GNG7: variants seen among roughly 807,000 people sequenced by gnomAD.
GNG7 encodes the protein guanine nucleotide-binding protein G(I)/G(S)/G(O) subunit gamma-7.
Under a neutral mutation model 4.0 loss-of-function variants are expected in GNG7, and 1 was observed. The ratio of observed to expected loss-of-function variants is 0.25; its 90% confidence interval spans 0.09 to 1.18. GNG7 has a LOEUF of 1.18. Among genes scored for constraint, GNG7 ranks in the 50% most tolerant of loss-of-function variants. The probability of loss-of-function intolerance (pLI) is 0.50; values close to 1 mark genes in which losing one functional copy is unlikely to be tolerated. For synonymous variants in GNG7, 34 were observed against 36.9 expected, an observed-to-expected ratio of 0.92 and a Z score of 0.29; for missense variants, 86 against 91.9, an observed-to-expected ratio of 0.94 and a Z score of 0.26.
intron 2 of GNG7, among the ~76,000 whole-genome samples, chr19:2,594,201 T>C (rs1040978327): frequency 6.6e-6 from 1 of 151,916 alleles, no homozygotes; most frequent in African/African-American, 2.4e-5. Flanking sequence ...AGAAACCCCA[T>C]CTCTACTAAA....
intron 3 of GNG7, among the ~76,000 whole-genome samples, chr19:2,528,025 T>G (rs1004584399): frequency 1.3e-5 from 2 of 152,042 alleles, no homozygotes; most frequent in Admixed American, 1.3e-4. Context: ...CCCAGAACTT[T>G]GGGAGGTTGA....
intron 2 of GNG7, among the ~76,000 whole-genome samples, chr19:2,638,349 G>A (rs546584255): frequency 3.4e-5 from 5 of 145,614 alleles, no homozygotes; most frequent in African/African-American, 1.3e-4. Context: ...GTGACAGAGC[G>A]AGACTCTGTC....
At chr19:2,622,629 G>A (rs982393766) in intron 2 of GNG7, among the ~76,000 whole-genome samples, 1 of 144,674 alleles carries the variant, frequency 6.9e-6, no homozygotes, top group Non-Finnish European at 1.5e-5. Context: ...GAGCAACGCG[G>A]CAGAGAGGGG....
At chr19:2,636,768 G>A (rs1982318796) in intron 2 of GNG7, among the ~76,000 whole-genome samples, 1 of 152,094 alleles carries the variant, frequency 6.6e-6, no homozygotes, top group South Asian at 2.1e-4. Flanking sequence ...TGTCAGTGTT[G>A]AACCAGGAAG....
intron 3 of GNG7, among the ~76,000 whole-genome samples, chr19:2,550,059 G>A (rs1205752505): frequency 6.6e-6 from 1 of 152,244 alleles, no homozygotes; most frequent in Non-Finnish European, 1.5e-5. Context: ...AGTGGAAAAG[G>A]GAAATGTGGC....
chr19:2,554,559 A>ATATATTTTTT (rs1196558078), intron 3 of GNG7, among the ~76,000 whole-genome samples: 1 of 130,116 alleles, frequency 7.7e-6, no homozygotes, highest in African/African-American at 2.8e-5. Flanking sequence ...ATATATATAT[A>ATATATTTTTT]TTTTTTTTTT....
intron 2 of GNG7, among the ~76,000 whole-genome samples, chr19:2,568,648 AATACACAT>A (rs1392819962): frequency 1.3e-4 from 16 of 122,664 alleles, no homozygotes; most frequent in African/African-American, 3.2e-4. Context: ...CATATACACA[AATACACAT>A]ATACACATAC....
chr19:2,700,827 T>C (rs1369391225), intron 1 of GNG7: 1 of 152,044 alleles, frequency 6.6e-6, no homozygotes, highest in Non-Finnish European at 1.5e-5. Context: ...CGACACTCCA[T>C]CAAGGCAAGA....
At chr19:2,545,649 T>TA (rs34706450) in intron 3 of GNG7, among the ~76,000 whole-genome samples, 7,306 of 90,454 alleles carry the variant, frequency 0.081, 338 homozygotes, top group South Asian at 0.13. Context: ...GAAACTGTCT[T>TA]AAAAAAAAAA....
At chr19:2,527,222 T>A (rs923226464) in intron 3 of GNG7, among the ~76,000 whole-genome samples, 2 of 152,178 alleles carry the variant, frequency 1.3e-5, no homozygotes, top group African/African-American at 4.8e-5. Context: ...ACGCACCCTC[T>A]CCCGGTCCCC....
chr19:2,555,492 G>A (rs1256056929), intron 2 of GNG7, among the ~76,000 whole-genome samples: 1 of 152,172 alleles, frequency 6.6e-6, no homozygotes, highest in East Asian at 1.9e-4. Context: ...CACAGTCAAA[G>A]TCCAGTCCAT....
chr19:2,681,787 TGTTTTG>T (rs1159973500), intron 1 of GNG7, among the ~76,000 whole-genome samples: 8 of 152,142 alleles, frequency 5.3e-5, no homozygotes, highest in Admixed American at 5.2e-4. Flanking sequence ...GATTGTTTGT[TGTTTTG>T]GTTTTTTTAA....
chr19:2,659,610 A>AAAAAAG lies in GNG7; in HGVS notation c.-134-13331_-134-13330insCTTTTT, dbSNP rs5826778. 6.6e-5 allele frequency among the ~76,000 whole-genome samples: 8 copies of AAAAAAG among 121,466 alleles called. 1 individual carries two copies. Among genetic ancestry groups the AAAAAAG allele is most frequent in the African/African-American group, 2.6e-4 (8 of 30,594 alleles). 79.7% of individuals were successfully genotyped at this position (121,466 alleles called of 152,430 possible). A position where few individuals can be genotyped will look rare whatever the true frequency, so the allele number is the denominator to read the frequency against. ...TCCATCTTAAAAAAAAAAAAAAAAA[A>AAAAAAG]AGAGAGGAGGGGAGGGAAAGAGGGA... On this transcript the variant is annotated intron_variant, in intron 1 of 4. Coordinates refer to ENST00000382159, the MANE Select transcript of GNG7 (RefSeq NM_052847.3).
chr19:2,550,899 C>T (rs369411035), intron 3 of GNG7, among the ~76,000 whole-genome samples: 17 of 152,276 alleles, frequency 1.1e-4, no homozygotes, highest in Non-Finnish European at 2.2e-4. Flanking sequence ...ATCAGGGAGG[C>T]GTCAGTGGTG....
intron 1 of GNG7, among the ~76,000 whole-genome samples, chr19:2,648,641 G>A (rs944976124): frequency 2.0e-5 from 3 of 152,216 alleles, no homozygotes; most frequent in Non-Finnish European, 4.4e-5. Flanking sequence ...ACCTGCAGGT[G>A]GTGCCCTTGC....
rs1599366655 is a variant in GNG7 at position 2,513,010 on chromosome 19, C to T, written c.*2012G>A. The T allele has an allele frequency of 2.0e-6, 2 of 985,468 alleles. No individual in the cohort carries two copies. The highest frequency in any genetic ancestry group is 3.5e-5 in the African/African-American group (2 of 57,370). The allele number at this position is 985,468 out of a possible 1,614,324, so 61.0% of individuals were successfully genotyped here. ...CCAACAGCAGGTTTGGCGGGTAGGG[C>T]TCCCCGAAGCCCCAGCCCTCCCGGA... On this transcript the variant is annotated 3_prime_UTR_variant, in exon 5 of 5. Coordinates refer to ENST00000382159, the MANE Select transcript of GNG7 (RefSeq NM_052847.3).
In GNG7 at chr19:2,696,360, G is replaced by A. The variant is rs568873371; in HGVS notation, c.-135+6286C>T. Reference sequence around the variant, plus strand: ...AAAGAAAGAAAGAAAAGAAAGAAAAGAAAGAAAGAAAGGAAAGGAAGGGAA... The same window carrying A: ...AAAGAAAGAAAGAAAAGAAAGAAAAAAAAGAAAGAAAGGAAAGGAAGGGAA... On this transcript the variant is annotated intron_variant, in intron 1 of 4. Transcript: ENST00000382159. 3.2e-3 allele frequency among the ~76,000 whole-genome samples: 449 copies of A among 142,284 alleles called. 1 individual carries two copies. The highest frequency in any genetic ancestry group is 0.012 in the African/African-American group (418 of 36,092). The allele number at this position is 142,284 out of a possible 152,430, so 93.3% of individuals were successfully genotyped here.
chr19:2,553,433 A>AT (rs1174269516), intron 3 of GNG7, among the ~76,000 whole-genome samples: 1 of 147,314 alleles, frequency 6.8e-6, no homozygotes, highest in African/African-American at 2.5e-5. Flanking sequence ...TATGCAATAT[A>AT]TATGTTATAT....
chr19:2,631,146 C>G (rs1274676553), intron 2 of GNG7, among the ~76,000 whole-genome samples: 1 of 152,166 alleles, frequency 6.6e-6, no homozygotes, highest in Non-Finnish European at 1.5e-5. Context: ...GACAGCTTGA[C>G]ATGCATTAAC....
Sources: gnomAD v4.1 joint callset for allele counts (sites outside exome capture counted in the v4.1 genomes callset) on GRCh38, gnomAD v4.1.1 for gene constraint, MANE v1.5 for transcripts, NCBI Gene and HGNC (gene_info 2026-07-23, HGNC 2026-07-21) for gene names.